The following TBL1XR1 variants were observed in gnomAD, a reference collection of about 807,000 sequenced individuals.
TBL1XR1 encodes TBL1X/Y related 1.
TBL1XR1 carries 5 observed loss-of-function variants against 66.9 expected under a neutral mutation model. The ratio of observed to expected loss-of-function variants is 0.07; its 90% CI spans 0.04 to 0.16. The LOEUF is 0.16. TBL1XR1 is among the 10% of genes least tolerant of loss of function. The pLI is 1.00. For missense variants in TBL1XR1, 238 were observed against 623.2 expected (o/e 0.38, Z 6.58); for synonymous variants, 210 against 206.0 (o/e 1.02, Z -0.17).
intron 2 of TBL1XR1, among the ~76,000 whole-genome samples, chr3:177,096,071 G>T (rs1723440646): frequency 6.6e-6 from 1 of 152,084 alleles, no homozygotes; most frequent in South Asian, 2.1e-4. Context: ...GGTAGTAGAG[G>T]TAACTGTATA....
At chr3:177,176,052 C>CT (rs569050223) in intron 1 of TBL1XR1, among the ~76,000 whole-genome samples, 90 of 146,540 alleles carry the variant, frequency 6.1e-4, no homozygotes, top group African/African-American at 2.3e-3. Context: ...GAGCGAGACT[C>CT]TGTCTCTAAA....
intron 1 of TBL1XR1, among the ~76,000 whole-genome samples, chr3:177,179,112 C>T (rs1262750125): frequency 2.1e-5 from 2 of 95,040 alleles, no homozygotes; most frequent in Non-Finnish European, 4.3e-5. Context: ...AGCGAAACTA[C>T]GTCTCAAAAA....
upstream of TBL1XR1, among the ~76,000 whole-genome samples, chr3:177,198,090 G>C (rs1278483304): frequency 6.6e-6 from 1 of 152,132 alleles, no homozygotes; most frequent in Non-Finnish European, 1.5e-5. Flanking sequence ...ATTTGTTTGT[G>C]AAAATCTCTG....
intron 7 of TBL1XR1, among the ~76,000 whole-genome samples, chr3:177,048,948 T>C (rs1385946854): frequency 6.6e-6 from 1 of 152,152 alleles, no homozygotes; most frequent in Non-Finnish European, 1.5e-5. Context: ...TAAAATATAA[T>C]AAGGGCCCAT....
chr3:177,152,419 T>C (rs191878512), intron 1 of TBL1XR1, among the ~76,000 whole-genome samples: 160 of 152,208 alleles, frequency 1.1e-3, no homozygotes, highest in Non-Finnish European at 2.0e-3. Context: ...GGGTTTAAAC[T>C]GGGATTACAG....
Position 177,053,777 on chromosome 3 carries a change from T to C in TBL1XR1, c.200A>G (p.Asn67Ser). 1 of 1,611,820 alleles carries C rather than the reference T, an allele frequency of 6.2e-7. No individual in the cohort carries two copies. Among genetic ancestry groups the C allele is most frequent in the Non-Finnish European group, 8.5e-7 (1 of 1,179,466 alleles). The change falls in exon 4 of 16, where the codon AAT becomes AGT. Residue 67 changes from asparagine to serine, a missense_variant. By Grantham distance (46) the Asn-to-Ser change is conservative. Around this residue, in one of 8 missense-constraint regions of TBL1XR1, gnomAD observed 9 missense variants for 87.4 expected, o/e 0.10. Transcript: ENST00000457928. ...LQYVEAEVSINEDGTLFDGRP... is the reference protein window; with the variant it reads ...LQYVEAEVSISEDGTLFDGRP... ...TTTGAAATAAGTCTTCCTTACCTCA[T>C]TAATACTAACTTCTGCTTCTACATA... is the stretch of plus-strand genomic sequence containing the variant.
At chr3:177,182,371 T>A (rs1734931534) in intron 1 of TBL1XR1, among the ~76,000 whole-genome samples, 1 of 151,938 alleles carries the variant, frequency 6.6e-6, no homozygotes, top group South Asian at 2.1e-4. Flanking sequence ...GGTGACAGAG[T>A]AAGATCCTGT....
chr3:177,189,999 A>G (rs903383711), intron 1 of TBL1XR1, among the ~76,000 whole-genome samples: 1 of 151,202 alleles, frequency 6.6e-6, no homozygotes, highest in African/African-American at 2.4e-5. Context: ...TGGGCGTGTA[A>G]GCGGACACCT....
intron 1 of TBL1XR1, among the ~76,000 whole-genome samples, chr3:177,177,282 T>C (rs1245098462): frequency 6.6e-6 from 1 of 151,962 alleles, no homozygotes; most frequent in African/African-American, 2.4e-5. Flanking sequence ...AAACCCCATC[T>C]CTACTAAAAA....
Position 177,096,327 on chromosome 3 carries a change from T to TACAC in TBL1XR1, c.-46+2138_-46+2139insGTGT, listed in dbSNP as rs1325905920. ...CCTTCATCTCTAACACACACTAACATACATACATACACACACACACACACA... is the reference window on the plus strand; with the variant it reads ...CCTTCATCTCTAACACACACTAACATACACACATACATACACACACACACACACA... On this transcript the variant is annotated intron_variant, in intron 2 of 15. Coordinates refer to ENST00000457928, the MANE Select transcript of TBL1XR1 (RefSeq NM_024665.7). Among the ~76,000 whole-genome samples the TACAC allele has an allele frequency of 1.3e-3, 141 of 108,248 alleles. 1 individual carries two copies. The highest frequency in any genetic ancestry group is 2.3e-3 in the Non-Finnish European group (113 of 48,882). The allele number at this position is 108,248 out of a possible 152,430, so 71.0% of individuals were successfully genotyped here.
At chr3:177,167,874 C>T (rs903945620) in intron 1 of TBL1XR1, among the ~76,000 whole-genome samples, 6 of 151,984 alleles carry the variant, frequency 3.9e-5, no homozygotes, top group African/African-American at 9.7e-5. Flanking sequence ...TGCAGTGAGT[C>T]GAGATCATGC....
At chr3:177,107,383 C>T (rs1002464625) in intron 1 of TBL1XR1, among the ~76,000 whole-genome samples, 10 of 152,248 alleles carry the variant, frequency 6.6e-5, no homozygotes, top group Middle Eastern at 3.4e-3. Flanking sequence ...ATAATCTAGA[C>T]AGTATCAGCA....
At position 177,019,350 on chromosome 3, in the gene TBL1XR1, T is replaced by C. The variant is rs902781185; in HGVS notation, c.*6148A>G. On this transcript the variant is annotated 3_prime_UTR_variant, in exon 16 of 16. Transcript: ENST00000457928. ...AACAACCAAGAAACATTAGTAATTG[T>C]CTTCTGTACTTTACTAAACACTTTG... 6.6e-6 allele frequency: 1 copy of C among 151,916 alleles called. No homozygotes were observed. Among genetic ancestry groups the C allele is most frequent in the Admixed American group, 6.5e-5 (1 of 15,276 alleles). The allele number at this position is 151,916 out of a possible 1,614,324, so 9.4% of individuals were successfully genotyped here.
Position 177,020,344 on chromosome 3 carries a change from G to A in TBL1XR1, c.*5154C>T, listed in dbSNP as rs962989215. On this transcript the variant is annotated 3_prime_UTR_variant, in exon 16 of 16. Coordinates refer to ENST00000457928, the MANE Select transcript of TBL1XR1 (RefSeq NM_024665.7). ...AAGAATTAAAAATTACAATCCCTTA[G>A]CTGATTAGATGCTCTATTATACTTT... The A allele has an allele frequency of 2.6e-5, 4 of 152,052 alleles. No individual in the cohort carries two copies. Among genetic ancestry groups the A allele is most frequent in the Admixed American group, 6.5e-5 (1 of 15,272 alleles). The allele number at this position is 152,052 out of a possible 1,614,324, so 9.4% of individuals were successfully genotyped here.
chr3:177,054,116 ACTTT>A lies in TBL1XR1; in HGVS notation c.59-202_59-199del, dbSNP rs1158490968. Among the ~76,000 whole-genome samples the A allele has an allele frequency of 7.2e-5, 11 of 152,060 alleles. No individual in the cohort carries two copies. The East Asian group carries it at 1.2e-3, about 16-fold the overall frequency. On this transcript the variant is annotated intron_variant, in intron 3 of 15. Coordinates refer to ENST00000457928, the MANE Select transcript of TBL1XR1 (RefSeq NM_024665.7). ...CATGTAAACATGTCAGCCTTTACAT[ACTTT>A]CTTTTTCTCTTAATGTACTCTTTAA...
At chr3:177,140,844 C>T (rs1346737828) in intron 1 of TBL1XR1, among the ~76,000 whole-genome samples, 1 of 152,140 alleles carries the variant, frequency 6.6e-6, no homozygotes, top group African/African-American at 2.4e-5. Flanking sequence ...AAACTCTAAT[C>T]CTAGCTTGTC....
Position 177,022,458 on chromosome 3 carries a change from A to T in TBL1XR1, c.*3040T>A, listed in dbSNP as rs576921080. 6.6e-6 allele frequency: 1 copy of T among 152,522 alleles called. No individual in the cohort carries two copies. The highest frequency in any genetic ancestry group is 2.4e-5 in the African/African-American group (1 of 41,452). 9.4% of individuals were successfully genotyped at this position (152,522 alleles called of 1,614,324 possible). A position where few individuals can be genotyped will look rare whatever the true frequency, so the allele number is the denominator to read the frequency against. On this transcript the variant is annotated 3_prime_UTR_variant, in exon 16 of 16. Transcript: ENST00000457928. Reference sequence around the variant, plus strand: ...AGGAAATGGGAACTGGAACAAATATAAGAACTTATGGGATTTCCTACACGG... The same window carrying T: ...AGGAAATGGGAACTGGAACAAATATTAGAACTTATGGGATTTCCTACACGG...
intron 1 of TBL1XR1, among the ~76,000 whole-genome samples, chr3:177,163,594 C>G (rs984124142): frequency 2.0e-5 from 3 of 151,708 alleles, no homozygotes; most frequent in African/African-American, 7.3e-5. Context: ...ATCAAAGTGA[C>G]TAGTACCCTA....
intron 2 of TBL1XR1, among the ~76,000 whole-genome samples, chr3:177,080,504 T>A (rs1721262075): frequency 6.6e-6 from 1 of 152,190 alleles, no homozygotes; most frequent in Non-Finnish European, 1.5e-5. Flanking sequence ...ACAATAAGTA[T>A]GCTTGTGATA....
Sources: gnomAD v4.1 joint callset for allele counts (sites outside exome capture counted in the v4.1 genomes callset) on GRCh38, gnomAD v4.1.1 for gene constraint, gnomAD v4.1.1 regional missense constraint, MANE v1.5 for transcripts, NCBI Gene and HGNC (gene_info 2026-07-23, HGNC 2026-07-21) for gene names.